Variants in RGSL1 observed in about 807,000 individuals in gnomAD.
RGSL1 encodes regulator of G protein signaling protein-like.
RGSL1 carries 97 observed loss-of-function variants against 124.7 expected under a neutral mutation model. That is an observed-to-expected ratio of 0.78 (90% CI 0.66 to 0.92). The LOEUF (loss-of-function observed/expected upper bound fraction) is 0.92, where lower values mean the gene tolerates loss of function less well. Among genes scored for constraint, RGSL1 ranks in the 40% least tolerant of loss-of-function variants. The pLI, the probability that RGSL1 is intolerant of heterozygous loss-of-function variation, is 0.00. For missense variants in RGSL1, 1,233 were observed against 1,288.4 expected (o/e 0.96, Z 0.66); for synonymous variants, 424 against 438.1 (o/e 0.97, Z 0.40).
chr1:182,481,649 TCAA>T (rs1213314217), intron 6 of RGSL1, among the ~76,000 whole-genome samples: 1 of 151,940 alleles, frequency 6.6e-6, no homozygotes, highest in Non-Finnish European at 1.5e-5. Context: ...AAACCACGGG[TCAA>T]TATCCCTGAG....
At chr1:182,508,730 A>C (rs1391623884) in intron 9 of RGSL1, among the ~76,000 whole-genome samples, 1 of 122,980 alleles carries the variant, frequency 8.1e-6, no homozygotes. Flanking sequence ...GGTGTTTCTC[A>C]CAGAGGGGGA....
intron 20 of RGSL1, 106 bp downstream of exon 20, chr1:182,554,799 C>G (rs1035482814): frequency 1.8e-6 from 2 of 1,107,084 alleles, no homozygotes; most frequent in Admixed American, 2.0e-5. Flanking sequence ...TACCCTGCCT[C>G]TCCTTGGCAT....
At chr1:182,546,176 T>C (rs1432190532) in intron 15 of RGSL1, among the ~76,000 whole-genome samples, 2 of 152,012 alleles carry the variant, frequency 1.3e-5, no homozygotes, top group East Asian at 3.9e-4. Flanking sequence ...AAAATCTCAG[T>C]ACTATTTGTT....
rs1652527344 is a variant in RGSL1, at chr1:182,458,413, G to T, written c.171+20G>T. On this transcript the variant is annotated intron_variant, in intron 3 of 21. Coordinates refer to ENST00000294854, the MANE Select transcript of RGSL1 (RefSeq NM_001137669.2). ...AACTTGGTGAGTAAAATTCTTCAGA[G>T]GTAGAGAGTTTAGGGTGGAGAATGA... is the stretch of plus-strand genomic sequence containing the variant. 1.3e-6 allele frequency: 2 copies of T among 1,533,004 alleles called. No individual in the cohort carries two copies. Among genetic ancestry groups the T allele is most frequent in the South Asian group, 2.4e-5 (2 of 83,550 alleles). 95.0% of individuals were successfully genotyped at this position (1,533,004 alleles called of 1,614,324 possible).
chr1:182,459,679 CTT>C (rs1422787547), intron 3 of RGSL1, among the ~76,000 whole-genome samples: 1 of 152,200 alleles, frequency 6.6e-6, no homozygotes, highest in Non-Finnish European at 1.5e-5. Flanking sequence ...AGACCCAAAT[CTT>C]TTCTGCTTTT....
chr1:182,517,986 C>T (rs1329411028), intron 9 of RGSL1, among the ~76,000 whole-genome samples: 2 of 152,144 alleles, frequency 1.3e-5, no homozygotes, highest in Non-Finnish European at 2.9e-5. Flanking sequence ...TTATTCCAGT[C>T]TTCTCTGTCT....
At chr1:182,458,540 G>A in intron 3 of RGSL1, 147 bp downstream of exon 3, 1 of 669,778 alleles carries the variant, frequency 1.5e-6, no homozygotes, top group Non-Finnish European at 2.5e-6. Flanking sequence ...TGCGATCTTA[G>A]CTCACTGCAA....
At chr1:182,534,097 C>T (rs1016550523) in intron 14 of RGSL1, among the ~76,000 whole-genome samples, 3 of 152,132 alleles carry the variant, frequency 2.0e-5, no homozygotes, top group African/African-American at 7.2e-5. Context: ...CCAACTTTCA[C>T]TTAAACAATG....
intron 14 of RGSL1, among the ~76,000 whole-genome samples, chr1:182,535,289 T>C (rs976409478): frequency 6.6e-6 from 1 of 152,222 alleles, no homozygotes. Flanking sequence ...ACTCTTTCTA[T>C]AGTTTCCTGC....
intron 14 of RGSL1, among the ~76,000 whole-genome samples, chr1:182,539,186 C>T (rs1022394661): frequency 1.3e-5 from 2 of 152,182 alleles, no homozygotes; most frequent in Non-Finnish European, 2.9e-5. Flanking sequence ...TTACAAGCAT[C>T]CCATGGCTTC....
intron 14 of RGSL1, among the ~76,000 whole-genome samples, chr1:182,538,007 C>T (rs527867272): frequency 6.6e-6 from 1 of 152,192 alleles, no homozygotes; most frequent in East Asian, 1.9e-4. Flanking sequence ...CTGGGTTTTC[C>T]CTCCCTGACT....
chr1:182,467,961 A>G lies in RGSL1; in HGVS notation c.302-4435A>G, dbSNP rs112204730. Among the ~76,000 whole-genome samples the G allele has an allele frequency of 6.4e-3, 974 of 152,370 alleles. 10 individuals carry two copies. The highest frequency in any genetic ancestry group is 0.022 in the African/African-American group (918 of 41,582). On this transcript the variant is annotated intron_variant, in intron 4 of 21. Coordinates refer to ENST00000294854, the MANE Select transcript of RGSL1 (RefSeq NM_001137669.2). ...CCCCATCAACAAGTCGGCAAAGGCT[A>G]TGAACAGACACTTCTCAAAAGAAGA...
At chr1:182,487,596 T>G (rs999003261) in intron 6 of RGSL1, among the ~76,000 whole-genome samples, 10 of 152,238 alleles carry the variant, frequency 6.6e-5, no homozygotes, top group Admixed American at 2.6e-4. Flanking sequence ...TCTTCCTGGA[T>G]TTCCCTGACT....
chr1:182,559,172 G>C (rs1016995104), intron 21 of RGSL1, among the ~76,000 whole-genome samples: 1 of 151,934 alleles, frequency 6.6e-6, no homozygotes, highest in African/African-American at 2.4e-5. Flanking sequence ...TTCTTACAAC[G>C]CACTCTCCCA....
intron 9 of RGSL1, among the ~76,000 whole-genome samples, chr1:182,505,248 A>G (rs1336200861): frequency 6.6e-6 from 1 of 152,220 alleles, no homozygotes; most frequent in Admixed American, 6.5e-5. Flanking sequence ...TCAGGGAGCC[A>G]GATAACTTTA....
chr1:182,526,513 A>G (rs963686015), intron 10 of RGSL1, among the ~76,000 whole-genome samples: 28 of 150,770 alleles, frequency 1.9e-4, no homozygotes, highest in Admixed American at 5.3e-4. Flanking sequence ...AAAAAAAAAA[A>G]CACAAACATT....
chr1:182,468,892 A>G (rs917277146), intron 4 of RGSL1, among the ~76,000 whole-genome samples: 41 of 152,088 alleles, frequency 2.7e-4, no homozygotes, highest in Non-Finnish European at 5.7e-4. Flanking sequence ...ATGATTTTTG[A>G]CAAGGGTGCC....
At chr1:182,545,711 G>A (rs10911088) in intron 15 of RGSL1, among the ~76,000 whole-genome samples, 1 of 151,438 alleles carries the variant, frequency 6.6e-6, no homozygotes, top group African/African-American at 2.4e-5. Context: ...TTTTGTTTTG[G>A]TTTGGTTTTT....
At chr1:182,516,939 T>C (rs1288666690) in intron 9 of RGSL1, among the ~76,000 whole-genome samples, 1 of 152,158 alleles carries the variant, frequency 6.6e-6, no homozygotes, top group Non-Finnish European at 1.5e-5. Context: ...TATCAGTGGG[T>C]TTCATACCTT....
Sources: gnomAD v4.1 joint callset for allele counts (sites outside exome capture counted in the v4.1 genomes callset) on GRCh38, gnomAD v4.1.1 for gene constraint, MANE v1.5 for transcripts, NCBI Gene and HGNC (gene_info 2026-07-23, HGNC 2026-07-21) for gene names.